Variants in CHRM3 observed in about 807,000 individuals in gnomAD.
CHRM3 encodes cholinergic receptor muscarinic 3.
A neutral mutation model predicts 41.8 loss-of-function variants in CHRM3; 11 were observed. That is an observed-to-expected ratio of 0.26 (90% CI 0.17 to 0.44). CHRM3 has a LOEUF of 0.44. Among genes scored for constraint, CHRM3 ranks in the 20% least tolerant of loss-of-function variants. The pLI, the probability that CHRM3 is intolerant of heterozygous loss-of-function variation, is 1.00. For missense variants in CHRM3, 571 were observed against 745.4 expected, an observed-to-expected ratio of 0.77 and a Z score of 2.72; for synonymous variants, 297 against 301.4, an observed-to-expected ratio of 0.99 and a Z score of 0.15.
intron 5 of CHRM3, among the ~76,000 whole-genome samples, chr1:239,680,928 T>C (rs1658500483): frequency 6.6e-6 from 1 of 151,752 alleles, no homozygotes; most frequent in Non-Finnish European, 1.5e-5. Context: ...GAAAAAGGGG[T>C]TTAATTGGAC....
At chr1:239,802,051 T>C (rs544914121) in intron 5 of CHRM3, among the ~76,000 whole-genome samples, 8 of 152,062 alleles carry the variant, frequency 5.3e-5, no homozygotes, top group African/African-American at 1.9e-4. Context: ...AAAAACAAAC[T>C]TAGTTCTCTT....
intron 2 of CHRM3, among the ~76,000 whole-genome samples, chr1:239,518,660 G>A (rs1184785322): frequency 6.6e-6 from 1 of 152,120 alleles, no homozygotes; most frequent in Non-Finnish European, 1.5e-5. Context: ...CTATAATTAA[G>A]ACAATTTCAG....
At chr1:239,793,803 A>ATGTTTTTTTT (rs1669531122) in intron 5 of CHRM3, among the ~76,000 whole-genome samples, 2 of 69,494 alleles carry the variant, frequency 2.9e-5, no homozygotes, top group African/African-American at 6.2e-5. Context: ...TGAAATGTGT[A>ATGTTTTTTTT]TTTTTTTTTT....
chr1:239,530,744 G>T (rs1047299028), intron 2 of CHRM3, among the ~76,000 whole-genome samples: 1 of 152,094 alleles, frequency 6.6e-6, no homozygotes, highest in Non-Finnish European at 1.5e-5. Flanking sequence ...GATGGCAGAA[G>T]AAAGACCCAG....
chr1:239,393,931 A>G (rs1272455566), intron 1 of CHRM3, among the ~76,000 whole-genome samples: 4 of 152,184 alleles, frequency 2.6e-5, no homozygotes, highest in African/African-American at 9.7e-5. Context: ...CTACCTATCA[A>G]TTATCTATCT....
At chr1:239,787,667 A>G (rs1180826978) in intron 5 of CHRM3, among the ~76,000 whole-genome samples, 1 of 152,126 alleles carries the variant, frequency 6.6e-6, no homozygotes, top group Non-Finnish European at 1.5e-5. Flanking sequence ...GGGAAGCGGG[A>G]ACAGCTACCT....
chr1:239,825,941 A>G (rs1672421264), intron 5 of CHRM3, among the ~76,000 whole-genome samples: 1 of 152,194 alleles, frequency 6.6e-6, no homozygotes, highest in African/African-American at 2.4e-5. Flanking sequence ...ATGCTGAGTG[A>G]AATAAGCCAG....
At chr1:239,537,292 C>T (rs1392515858) in intron 2 of CHRM3, among the ~76,000 whole-genome samples, 1 of 152,160 alleles carries the variant, frequency 6.6e-6, no homozygotes, top group African/African-American at 2.4e-5. Context: ...GCTCCCGGTT[C>T]TGCAGGCTGT....
At chr1:239,740,341 T>A (rs928852014) in intron 5 of CHRM3, among the ~76,000 whole-genome samples, 8 of 146,498 alleles carry the variant, frequency 5.5e-5, no homozygotes, top group African/African-American at 1.1e-4. Context: ...AAATTGTTTC[T>A]TTTTTTTTTC....
intron 3 of CHRM3, among the ~76,000 whole-genome samples, chr1:239,565,049 C>A (rs576625268): frequency 1.1e-4 from 16 of 152,240 alleles, no homozygotes; most frequent in Admixed American, 1.0e-3. Flanking sequence ...TGTGTCACTC[C>A]AGTCTCCGCT....
intron 5 of CHRM3, among the ~76,000 whole-genome samples, chr1:239,766,950 G>A (rs1266646323): frequency 2.0e-5 from 3 of 152,080 alleles, no homozygotes; most frequent in Admixed American, 6.6e-5. Flanking sequence ...GACCTCAGTC[G>A]ATCCACCCGC....
chr1:239,814,766 CT>C (rs1671432540), intron 5 of CHRM3, among the ~76,000 whole-genome samples: 1 of 152,002 alleles, frequency 6.6e-6, no homozygotes, highest in Admixed American at 6.6e-5. Flanking sequence ...GTTTGCTTTT[CT>C]TTTCTATTTT....
At chr1:239,760,074 C>A (rs1275705302) in intron 5 of CHRM3, among the ~76,000 whole-genome samples, 2 of 126,058 alleles carry the variant, frequency 1.6e-5, no homozygotes, top group Non-Finnish European at 3.3e-5. Context: ...GCCACCACAC[C>A]CGGCTAATTT....
At chr1:239,749,275 G>A (rs895995437) in intron 5 of CHRM3, among the ~76,000 whole-genome samples, 4 of 152,022 alleles carry the variant, frequency 2.6e-5, no homozygotes, top group Non-Finnish European at 5.9e-5. Context: ...GACTTTGTTC[G>A]GGCCACTATG....
intron 6 of CHRM3, among the ~76,000 whole-genome samples, chr1:239,852,568 G>A (rs192660895): frequency 3.2e-3 from 490 of 152,224 alleles, no homozygotes; most frequent in Non-Finnish European, 5.7e-3. Flanking sequence ...ACTAGAATTC[G>A]GGGCTCTTGA....
At chr1:239,839,031 C>T (rs1673564471) in intron 6 of CHRM3, among the ~76,000 whole-genome samples, 1 of 152,210 alleles carries the variant, frequency 6.6e-6, no homozygotes, top group East Asian at 1.9e-4. Context: ...GAGCATCATA[C>T]TCATCCTCAA....
At chr1:239,403,744 G>A (rs905773633) in intron 1 of CHRM3, among the ~76,000 whole-genome samples, 14 of 151,894 alleles carry the variant, frequency 9.2e-5, no homozygotes, top group Admixed American at 1.3e-4. Context: ...TTGGAGGGGT[G>A]ATCATGTGTG....
At chr1:239,785,251 C>T (rs544102627) in intron 5 of CHRM3, among the ~76,000 whole-genome samples, 64 of 152,170 alleles carry the variant, frequency 4.2e-4, no homozygotes, top group African/African-American at 1.3e-3. Context: ...ATCCTCAGGC[C>T]GTGATTGTAG....
chr1:239,657,334 A>G (rs537745469), intron 4 of CHRM3, among the ~76,000 whole-genome samples: 1 of 152,350 alleles, frequency 6.6e-6, no homozygotes, highest in East Asian at 1.9e-4. Context: ...AGGAAAATGA[A>G]AACAATATTC....
Sources: gnomAD v4.1 joint callset for allele counts (sites outside exome capture counted in the v4.1 genomes callset) on GRCh38, gnomAD v4.1.1 for gene constraint, MANE v1.5 for transcripts, NCBI Gene and HGNC (gene_info 2026-07-23, HGNC 2026-07-21) for gene names.